Variants in DSCAM observed in about 807,000 individuals in gnomAD.
DSCAM encodes the protein DS cell adhesion molecule.
Under a neutral mutation model 217.7 loss-of-function variants are expected in DSCAM, and 47 were observed. That is an observed-to-expected ratio of 0.22 (90% CI 0.17 to 0.28). The LOEUF (loss-of-function observed/expected upper bound fraction) is 0.28, where lower values mean the gene tolerates loss of function less well. Among genes scored for constraint, DSCAM ranks in the 10% least tolerant of loss-of-function variants. DSCAM has a pLI of 1.00. For missense variants in DSCAM, 2,080 were observed against 2,618.3 expected, an observed-to-expected ratio of 0.79 and a Z score of 4.49; for synonymous variants, 1,056 against 1,015.3, an observed-to-expected ratio of 1.04 and a Z score of -0.76.
intron 1 of DSCAM, among the ~76,000 whole-genome samples, chr21:40,763,119 AG>A (rs1360422836): frequency 1.3e-5 from 2 of 152,310 alleles, no homozygotes; most frequent in Non-Finnish European, 2.9e-5. Context: ...AAATAAATAA[AG>A]GGCATTCAAA....
chr21:40,399,724 T>C (rs1026602636), intron 3 of DSCAM, among the ~76,000 whole-genome samples: 1 of 152,220 alleles, frequency 6.6e-6, no homozygotes, highest in African/African-American at 2.4e-5. Context: ...CATTCATTCA[T>C]TCATTTTTAT....
intron 3 of DSCAM, among the ~76,000 whole-genome samples, chr21:40,657,095 A>G (rs1353146763): frequency 6.6e-6 from 1 of 152,212 alleles, no homozygotes; most frequent in Admixed American, 6.5e-5. Context: ...AAAGTTTTGC[A>G]TGTTTGAAAG....
chr21:40,474,384 A>G (rs2075915722), intron 3 of DSCAM, among the ~76,000 whole-genome samples: 1 of 151,970 alleles, frequency 6.6e-6, no homozygotes, highest in Non-Finnish European at 1.5e-5. Flanking sequence ...TGGTCCAAGC[A>G]CCCCTTGGCA....
At chr21:40,187,003 G>A (rs2090901488) in intron 14 of DSCAM, 128 bp downstream of exon 14, 3 of 1,151,368 alleles carry the variant, frequency 2.6e-6, no homozygotes, top group African/African-American at 1.6e-5. Context: ...CAAGGAGACT[G>A]GGGGAAGTGG....
chr21:40,022,791 T>C lies in DSCAM; in HGVS notation c.5687-9405A>G, dbSNP rs564407343. Reference sequence around the variant, plus strand: ...AGGCACAATACATTCTTTTTTTTTTTCTTATATCTAAACTTTTTATTAGCA... The same window carrying C: ...AGGCACAATACATTCTTTTTTTTTTCCTTATATCTAAACTTTTTATTAGCA... On this transcript the variant is annotated intron_variant, in intron 32 of 32. Transcript: ENST00000400454. Among the ~76,000 whole-genome samples the C allele has an allele frequency of 3.3e-5, 5 of 152,078 alleles. No homozygotes were observed. In the East Asian group the frequency reaches 9.6e-4, roughly 29 times the overall value.
rs537162958 is a variant in DSCAM, at chr21:40,271,457, T to C, written c.2356+4640A>G. Among the ~76,000 whole-genome samples, 7 of 152,312 alleles carry C rather than the reference T, an allele frequency of 4.6e-5. No homozygotes were observed. In the East Asian group the frequency reaches 1.2e-3, roughly 25 times the overall value. On this transcript the variant is annotated intron_variant, in intron 11 of 32. Coordinates refer to ENST00000400454, the MANE Select transcript of DSCAM (RefSeq NM_001389.5). Reference sequence around the variant, plus strand: ...GTTCCCGGAAACACGAGGCTTCAGATCAGCCAGTGGCAGAAAGTTGGGAGC... The same window carrying C: ...GTTCCCGGAAACACGAGGCTTCAGACCAGCCAGTGGCAGAAAGTTGGGAGC...
At chr21:40,188,045 G>T (rs11910008) in intron 12 of DSCAM, 58 bp from the exon 13 acceptor site, 4 of 1,353,532 alleles carry the variant, frequency 3.0e-6, no homozygotes, top group Admixed American at 3.6e-5. Context: ...ACTTTGAGCC[G>T]TAAAGCTCTC....
chr21:40,080,507 G>A (rs961987382), intron 24 of DSCAM, among the ~76,000 whole-genome samples, 167 bp from the exon 25 acceptor site: 2 of 152,156 alleles, frequency 1.3e-5, no homozygotes, highest in Non-Finnish European at 2.9e-5. Flanking sequence ...AACCCAGCCT[G>A]GGAGAAGCAC....
At chr21:40,807,882 A>G (rs1332911368) in intron 1 of DSCAM, among the ~76,000 whole-genome samples, 1 of 152,216 alleles carries the variant, frequency 6.6e-6, no homozygotes, top group Non-Finnish European at 1.5e-5. Flanking sequence ...GGTATATTAT[A>G]GTTCATGAAC....
rs547070949 is a variant in DSCAM at position 40,023,257 on chromosome 21, TAATCC to T, written c.5687-9876_5687-9872del. Among the ~76,000 whole-genome samples, 680 of 152,262 alleles carry T rather than the reference TAATCC, an allele frequency of 4.5e-3. 9 individuals carry two copies. Among genetic ancestry groups the T allele is most frequent in the African/African-American group, 0.015 (642 of 41,562 alleles). On this transcript the variant is annotated intron_variant, in intron 32 of 32. Transcript: ENST00000400454. The stretch of plus-strand genomic sequence containing the variant: ...ATGGTGTATATGTGCCACATTTTCT[TAATCC>T]AATCATTGTTGGACATTTGGGTTGG...
chr21:40,187,051 C>A, intron 14 of DSCAM, 80 bp downstream of exon 14: 1 of 1,555,784 alleles, frequency 6.4e-7, no homozygotes, highest in Non-Finnish European at 8.7e-7. Context: ...TGTGCGCTTA[C>A]AGGTAAAACA....
intron 3 of DSCAM, among the ~76,000 whole-genome samples, chr21:40,560,353 G>C (rs938678569): frequency 2.2e-4 from 33 of 152,124 alleles, no homozygotes; most frequent in African/African-American, 7.2e-4. Context: ...CCCCCTGTGT[G>C]GGGTGGAAAG....
intron 4 of DSCAM, among the ~76,000 whole-genome samples, chr21:40,361,005 A>G (rs2123674395): frequency 6.6e-6 from 1 of 152,272 alleles, no homozygotes; most frequent in South Asian, 2.1e-4. Flanking sequence ...GCATGATTGA[A>G]GCAATGCTTG....
At chr21:40,548,903 A>G (rs908230425) in intron 3 of DSCAM, among the ~76,000 whole-genome samples, 1 of 152,224 alleles carries the variant, frequency 6.6e-6, no homozygotes. Context: ...CCATGGAAGA[A>G]TCAAAATAGG....
At chr21:40,300,401 G>A (rs1403202783) in intron 9 of DSCAM, among the ~76,000 whole-genome samples, 1 of 152,140 alleles carries the variant, frequency 6.6e-6, no homozygotes, top group East Asian at 1.9e-4. Flanking sequence ...CATCTCCACT[G>A]CCACACCCCA....
chr21:40,208,957 T>A (rs1299137580), intron 11 of DSCAM, among the ~76,000 whole-genome samples: 1 of 152,140 alleles, frequency 6.6e-6, no homozygotes, highest in African/African-American at 2.4e-5. Context: ...AAAGATGAGG[T>A]CTGAGCTATT....
chr21:40,748,614 T>C (rs2091197699), intron 1 of DSCAM, among the ~76,000 whole-genome samples: 1 of 152,062 alleles, frequency 6.6e-6, no homozygotes, highest in Admixed American at 6.5e-5. Context: ...AGATATTCCA[T>C]GTTCATGGAC....
chr21:40,591,362 C>T (rs2076983341), intron 3 of DSCAM, among the ~76,000 whole-genome samples: 1 of 152,186 alleles, frequency 6.6e-6, no homozygotes, highest in South Asian at 2.1e-4. Context: ...ATCAAAATTC[C>T]CTCATCACCA....
chr21:40,653,242 GA>G (rs1200135922), intron 3 of DSCAM, among the ~76,000 whole-genome samples: 1 of 152,168 alleles, frequency 6.6e-6, no homozygotes, highest in Non-Finnish European at 1.5e-5. Flanking sequence ...GTGGTCTCAG[GA>G]AACTCCAACA....
Sources: allele counts gnomAD v4.1 joint callset (sites outside exome capture counted in the v4.1 genomes callset), GRCh38; gene constraint gnomAD v4.1.1; transcripts MANE v1.5; gene names NCBI Gene and HGNC (gene_info 2026-07-23, HGNC 2026-07-21).